CAMK2A: variants seen among roughly 807,000 people sequenced by gnomAD.
The protein encoded by CAMK2A is calcium/calmodulin dependent protein kinase II alpha, also known as calcium/calmodulin-dependent protein kinase type II subunit alpha.
In CAMK2A, 7 loss-of-function variants were observed where a neutral mutation model predicts 79.2. That is an observed-to-expected ratio of 0.09 (90% CI 0.05 to 0.17). CAMK2A has a LOEUF of 0.17. Among genes scored for constraint, CAMK2A ranks in the 10% least tolerant of loss-of-function variants. The pLI, the probability that CAMK2A is intolerant of heterozygous loss-of-function variation, is 1.00. For missense variants in CAMK2A, 214 were observed against 646.4 expected (o/e 0.33, Z 7.25); for synonymous variants, 242 against 251.7 (o/e 0.96, Z 0.36).
chr5:150,257,727 A>G, intron 3 of CAMK2A, 110 bp from the exon 4 acceptor site: 1 of 829,404 alleles, frequency 1.2e-6, no homozygotes, highest in Non-Finnish European at 2.0e-6. Flanking sequence ...CCAGACAGTC[A>G]CTGAGTATAC....
At chr5:150,289,458 T>C in intron 1 of CAMK2A, 106 bp downstream of exon 1, 1 of 865,618 alleles carries the variant, frequency 1.2e-6, no homozygotes, top group Admixed American at 1.9e-5. Flanking sequence ...TGCCTTCATC[T>C]GTGTACAAGG....
intron 1 of CAMK2A, among the ~76,000 whole-genome samples, chr5:150,275,876 A>G (rs1756925474): frequency 1.3e-5 from 2 of 152,274 alleles, no homozygotes; most frequent in Admixed American, 6.5e-5. Flanking sequence ...TGGAGGCCTC[A>G]TCACTAGGCA....
intron 3 of CAMK2A, among the ~76,000 whole-genome samples, chr5:150,260,108 GTTTA>G (rs778438559): frequency 2.0e-5 from 3 of 152,084 alleles, no homozygotes; most frequent in East Asian, 1.9e-4. Flanking sequence ...CTGTCCATTG[GTTTA>G]TTTAATTTTT....
At chr5:150,264,078 C>T (rs1222791395) in intron 3 of CAMK2A, among the ~76,000 whole-genome samples, 1 of 152,138 alleles carries the variant, frequency 6.6e-6, no homozygotes, top group Non-Finnish European at 1.5e-5. Context: ...GAGTCCTTAG[C>T]GATCACCTAG....
Position 150,268,314 on chromosome 5 carries a change from G to A in CAMK2A, c.158-3299C>T, listed in dbSNP as rs1286569958. Among the ~76,000 whole-genome samples, 3 of 152,078 alleles carry A rather than the reference G, an allele frequency of 2.0e-5. No homozygotes were observed. In the East Asian group the frequency reaches 5.8e-4, roughly 29 times the overall value. ...CCGGCCAGGAAGCTCCAGCCACACTGGCCTCCTCTCTGCCCTGACACACCA... is the reference window on the plus strand; with the variant it reads ...CCGGCCAGGAAGCTCCAGCCACACTAGCCTCCTCTCTGCCCTGACACACCA... On this transcript the variant is annotated intron_variant, in intron 2 of 18. Transcript: ENST00000671881.
chr5:150,236,188 G>A (rs1755051303), intron 15 of CAMK2A, among the ~76,000 whole-genome samples: 1 of 152,104 alleles, frequency 6.6e-6, no homozygotes, highest in Admixed American at 6.5e-5. Context: ...GCAGCCCAAA[G>A]CCATTACCCC....
At chr5:150,282,130 G>A (rs888115366) in intron 1 of CAMK2A, among the ~76,000 whole-genome samples, 1 of 151,974 alleles carries the variant, frequency 6.6e-6, no homozygotes, top group Non-Finnish European at 1.5e-5. Flanking sequence ...CCGTCCTCTC[G>A]ACCGCCTGAG....
At chr5:150,233,171 A>T (rs529650277) in intron 15 of CAMK2A, among the ~76,000 whole-genome samples, 1 of 152,352 alleles carries the variant, frequency 6.6e-6, no homozygotes, top group African/African-American at 2.4e-5. Flanking sequence ...GAATAAGTGT[A>T]CCAGGCCATG....
intron 2 of CAMK2A, among the ~76,000 whole-genome samples, chr5:150,269,217 C>A (rs4958902): frequency 0.15 from 22,001 of 150,896 alleles, 1,972 homozygotes; most frequent in East Asian, 0.33. Context: ...ATCTTGGGAA[C>A]CTTTTTGCTT....
chr5:150,265,039 G>C, intron 2 of CAMK2A, 24 bp from the exon 3 acceptor site: 1 of 1,581,546 alleles, frequency 6.3e-7, no homozygotes, highest in Non-Finnish European at 8.7e-7. Context: ...GCTCATGTGA[G>C]TCCCCGGTGA....
intron 18 of CAMK2A, 95 bp from the exon 19 acceptor site, chr5:150,222,808 C>A (rs1562126736): frequency 6.7e-7 from 1 of 1,495,548 alleles, no homozygotes; most frequent in Non-Finnish European, 9.3e-7. Context: ...CATGCGGTCC[C>A]TGGTGGCTCC....
At chr5:150,255,602 C>T (rs573950541) in intron 6 of CAMK2A, among the ~76,000 whole-genome samples, 1 of 152,360 alleles carries the variant, frequency 6.6e-6, no homozygotes, top group African/African-American at 2.4e-5. Flanking sequence ...CAGGGCAAAG[C>T]CCCTCCAGCA....
chr5:150,243,900 A>C (rs1442210305), intron 13 of CAMK2A, among the ~76,000 whole-genome samples: 3 of 152,144 alleles, frequency 2.0e-5, no homozygotes, highest in Non-Finnish European at 4.4e-5. Context: ...AGTGGGTATG[A>C]GAAGCCCAGA....
rs762044127 is a variant in CAMK2A, at chr5:150,251,963, G to A, written c.598+19C>T. The A allele has an allele frequency of 1.1e-5, 18 of 1,610,256 alleles. No homozygotes were observed. Among genetic ancestry groups the A allele is most frequent in the Non-Finnish European group, 1.2e-5 (14 of 1,176,910 alleles). On this transcript the variant is annotated intron_variant, in intron 8 of 18. Transcript: ENST00000671881. The stretch of plus-strand genomic sequence containing the variant: ...CGGGGTGCAGCCAGGGGCACAAAAG[G>A]GCCTTAGGATGAACTCACCACAAGC...
chr5:150,220,627 G>C lies in CAMK2A; in HGVS notation c.*2083C>G, dbSNP rs1341099387. 6.6e-6 allele frequency: 1 copy of C among 152,382 alleles called. No homozygotes were observed. Among genetic ancestry groups the C allele is most frequent in the Non-Finnish European group, 1.5e-5 (1 of 68,088 alleles). The allele number at this position is 152,382 out of a possible 1,614,324, so 9.4% of individuals were successfully genotyped here. ...CTGTAGGGAACTGGCAGCTCAAAAG[G>C]GGACAGGTGGTTTTGCCCCTGGGAT... On this transcript the variant is annotated 3_prime_UTR_variant, in exon 19 of 19. Coordinates refer to ENST00000671881, the MANE Select transcript of CAMK2A (RefSeq NM_015981.4).
intron 16 of CAMK2A, among the ~76,000 whole-genome samples, chr5:150,230,794 T>C (rs1336593038): frequency 6.6e-6 from 1 of 152,164 alleles, no homozygotes; most frequent in African/African-American, 2.4e-5. Flanking sequence ...CTCAGAGGAG[T>C]TCAGATTCTG....
chr5:150,238,135 A>G (rs1580906760), intron 15 of CAMK2A, among the ~76,000 whole-genome samples: 1 of 152,200 alleles, frequency 6.6e-6, no homozygotes, highest in Non-Finnish European at 1.5e-5. Flanking sequence ...TCTCTAATAC[A>G]CATATAATAT....
At chr5:150,274,396 T>G (rs969704814) in intron 1 of CAMK2A, among the ~76,000 whole-genome samples, 3 of 152,198 alleles carry the variant, frequency 2.0e-5, no homozygotes, top group African/African-American at 7.2e-5. Context: ...TTTTAAATAT[T>G]GGCACCTATT....
chr5:150,249,547 T>C (rs1755733380), intron 11 of CAMK2A, among the ~76,000 whole-genome samples: 1 of 104,262 alleles, frequency 9.6e-6, no homozygotes, highest in African/African-American at 5.8e-5. Context: ...TCCCATTCTT[T>C]TTTTTGTTTT....
Sources: allele counts gnomAD v4.1 joint callset (sites outside exome capture counted in the v4.1 genomes callset), GRCh38; gene constraint gnomAD v4.1.1; transcripts MANE v1.5; gene names NCBI Gene and HGNC (gene_info 2026-07-23, HGNC 2026-07-21).